LOXHD1: variants seen among roughly 807,000 people sequenced by gnomAD.
The protein encoded by LOXHD1 is lipoxygenase homology domain-containing protein 1.
Under a neutral mutation model 248.2 loss-of-function variants are expected in LOXHD1, and 205 were observed. The ratio of observed to expected loss-of-function variants is 0.83; its 90% CI spans 0.74 to 0.93. The LOEUF (loss-of-function observed/expected upper bound fraction) is 0.93, where lower values mean the gene tolerates loss of function less well. Among genes scored for constraint, LOXHD1 ranks in the 40% least tolerant of loss-of-function variants. LOXHD1 has a pLI of 0.00. For missense variants in LOXHD1, 2,930 were observed against 2,971.6 expected, an observed-to-expected ratio of 0.99 and a Z score of 0.33; for synonymous variants, 1,113 against 1,162.8, an observed-to-expected ratio of 0.96 and a Z score of 0.87.
rs2144231348 is a variant in LOXHD1, at chr18:46,591,924, A to C, written c.1654+9T>G. On this transcript the variant is annotated intron_variant, in intron 12 of 40. Transcript: ENST00000642948. ...TGCCTCCCAGGATGGAGAGCCTGTC[A>C]GTACTTACTGCCCATGATCCTGCGC... 2 of 1,551,736 alleles carry C rather than the reference A, an allele frequency of 1.3e-6. No individual in the cohort carries two copies. Among genetic ancestry groups the C allele is most frequent in the South Asian group, 2.4e-5 (2 of 84,064 alleles).
At chr18:46,608,181 GA>G (rs920352450) in intron 6 of LOXHD1, among the ~76,000 whole-genome samples, 17 of 151,948 alleles carry the variant, frequency 1.1e-4, no homozygotes, top group African/African-American at 4.1e-4. Context: ...CATCTGGCAG[GA>G]AAAAAAATTA....
chr18:46,611,334 G>A (rs1339102630), intron 5 of LOXHD1, among the ~76,000 whole-genome samples: 2 of 152,148 alleles, frequency 1.3e-5, no homozygotes, highest in African/African-American at 4.8e-5. Flanking sequence ...AAACAGTGCT[G>A]GTAAGTATTA....
chr18:46,567,092 G>A (rs1478425008), intron 16 of LOXHD1, among the ~76,000 whole-genome samples: 1 of 152,256 alleles, frequency 6.6e-6, no homozygotes, highest in Admixed American at 6.5e-5. Flanking sequence ...GCAACATAGA[G>A]GGGAGTGCAG....
At chr18:46,538,839 C>T (rs1300677889) in intron 25 of LOXHD1, among the ~76,000 whole-genome samples, 1 of 152,192 alleles carries the variant, frequency 6.6e-6, no homozygotes, top group Admixed American at 6.5e-5. Flanking sequence ...TTCTTTCACT[C>T]TTCTCCGTAT....
chr18:46,560,052 T>TACCCCCCC, intron 19 of LOXHD1, 31 bp downstream of exon 19: 13 of 441,100 alleles, frequency 2.9e-5, no homozygotes, highest in Admixed American at 4.1e-5. Flanking sequence ...GGCCACTCCC[T>TACCCCCCC]CCCCACCCCC....
chr18:46,506,686 C>G (rs2034595939), intron 36 of LOXHD1, among the ~76,000 whole-genome samples: 1 of 152,178 alleles, frequency 6.6e-6, no homozygotes, highest in Non-Finnish European at 1.5e-5. Context: ...AGGAGGTACC[C>G]CCAACAAAAT....
chr18:46,578,686 T>A (rs967223687), intron 13 of LOXHD1, among the ~76,000 whole-genome samples: 2 of 152,186 alleles, frequency 1.3e-5, no homozygotes, highest in African/African-American at 2.4e-5. Context: ...AGGAAGGAGA[T>A]AGAGCAGTTG....
chr18:46,644,940 G>T (rs1007986217), intron 2 of LOXHD1, among the ~76,000 whole-genome samples: 1 of 152,296 alleles, frequency 6.6e-6, no homozygotes, highest in South Asian at 2.1e-4. Context: ...AGTGCTCCAC[G>T]CTGTCTCAGG....
chr18:46,624,301 C>G (rs566475268), intron 4 of LOXHD1, among the ~76,000 whole-genome samples: 1 of 152,220 alleles, frequency 6.6e-6, no homozygotes, highest in Non-Finnish European at 1.5e-5. Context: ...ATGAAAACGG[C>G]AAGGGAGAGA....
intron 34 of LOXHD1, among the ~76,000 whole-genome samples, chr18:46,516,949 T>C (rs925470539): frequency 6.6e-6 from 1 of 152,100 alleles, no homozygotes; most frequent in East Asian, 1.9e-4. Flanking sequence ...TCCTCACTTA[T>C]CATCCACAAT....
chr18:46,645,530 A>T (rs1305491981), intron 2 of LOXHD1, among the ~76,000 whole-genome samples: 1 of 152,112 alleles, frequency 6.6e-6, no homozygotes, highest in Non-Finnish European at 1.5e-5. Flanking sequence ...TGAACACATG[A>T]CTCAGAGCTG....
chr18:46,630,182 T>G (rs1293811544), intron 4 of LOXHD1, among the ~76,000 whole-genome samples: 1 of 152,194 alleles, frequency 6.6e-6, no homozygotes, highest in Non-Finnish European at 1.5e-5. Flanking sequence ...ATTTCTGAGC[T>G]GTTGTGCTGG....
chr18:46,541,240 C>T (rs2036545916), intron 25 of LOXHD1, among the ~76,000 whole-genome samples: 1 of 152,178 alleles, frequency 6.6e-6, no homozygotes, highest in Admixed American at 6.6e-5. Context: ...ATTACATTCA[C>T]CTTTTTTTTG....
Position 46,477,711 on chromosome 18 carries a change from G to C in LOXHD1, c.6583C>G (p.Arg2195Gly), listed in dbSNP as rs778739062. Residue 2195 changes from arginine (R) to glycine (G), a missense_variant, in exon 41 of 41, where the codon CGC becomes GGC. Coordinates refer to ENST00000642948, the MANE Select transcript of LOXHD1 (RefSeq NM_001384474.1). ...TGKRELKQKM[R>G]NLFERGSTDR... is the part of the protein sequence containing the mutation. Reference sequence around the variant, plus strand: ...GTGCTGCCCCGCTCGAAGAGGTTGCGCATTTTCTGCTTCAGCTCCCGCTTG... The same window carrying C: ...GTGCTGCCCCGCTCGAAGAGGTTGCCCATTTTCTGCTTCAGCTCCCGCTTG... 2.6e-6 allele frequency: 4 copies of C among 1,551,898 alleles called. No individual in the cohort carries two copies. The highest frequency in any genetic ancestry group is 1.2e-5 in the South Asian group (1 of 84,062).
intron 4 of LOXHD1, among the ~76,000 whole-genome samples, chr18:46,637,319 G>C (rs1249039193): frequency 1.3e-5 from 2 of 152,206 alleles, no homozygotes; most frequent in Non-Finnish European, 2.9e-5. Context: ...AGGTCAGGGG[G>C]TGTCTACCCT....
In LOXHD1 at chr18:46,560,113, A is replaced by G. The variant is rs1186095529; in HGVS notation, c.3031T>C (p.Leu1011=). ...GGACCCGGCTTGCCAGCTGGCACCAACTCCACGACAAGTTCGTTGTCCTCC... is the reference window on the plus strand; with the variant it reads ...GGACCCGGCTTGCCAGCTGGCACCAGCTCCACGACAAGTTCGTTGTCCTCC... ...GKEDNELVVE[L]VPAGKPGPER... Residue 1011 remains leucine (L), a synonymous_variant, in exon 19 of 41, where the codon TTG becomes CTG. Coordinates refer to ENST00000642948, the MANE Select transcript of LOXHD1 (RefSeq NM_001384474.1). 3 of 1,388,132 alleles carry G rather than the reference A, an allele frequency of 2.2e-6. No individual in the cohort carries two copies. The South Asian group carries it at 3.7e-5, about 17-fold the overall frequency. The allele number at this position is 1,388,132 out of a possible 1,614,324, so 86.0% of individuals were successfully genotyped here.
chr18:46,613,050 T>C lies in LOXHD1; in HGVS notation c.611-2126A>G, dbSNP rs555921253. On this transcript the variant is annotated intron_variant, in intron 5 of 40. Transcript: ENST00000642948. ...ATTAATATTGTTAGCATTATTTTCA[T>C]TATTCAAAATTGTCTTGTCAATATT... Among the ~76,000 whole-genome samples, 30 of 152,252 alleles carry C rather than the reference T, an allele frequency of 2.0e-4. 1 individual carries two copies. In the South Asian group the frequency reaches 6.2e-3, roughly 32 times the overall value.
intron 39 of LOXHD1, 35 bp downstream of exon 39, chr18:46,484,984 C>T (rs570841685): frequency 2.1e-5 from 33 of 1,537,186 alleles, no homozygotes; most frequent in Non-Finnish European, 2.7e-5. Flanking sequence ...TACCTACCCA[C>T]CCCCCACCAC....
At chr18:46,582,864 G>A (rs2037988808) in intron 12 of LOXHD1, among the ~76,000 whole-genome samples, 1 of 152,194 alleles carries the variant, frequency 6.6e-6, no homozygotes, top group East Asian at 1.9e-4. Flanking sequence ...TGGTTAGGGA[G>A]TGAGACTGAG....
Sources: gnomAD v4.1 joint callset for allele counts (sites outside exome capture counted in the v4.1 genomes callset) on GRCh38, gnomAD v4.1.1 for gene constraint, MANE v1.5 for transcripts, NCBI Gene and HGNC (gene_info 2026-07-23, HGNC 2026-07-21) for gene names.